CDH10: variants seen among roughly 807,000 people sequenced by gnomAD.
CDH10 encodes the protein cadherin 10.
CDH10 carries 30 observed loss-of-function variants against 73.1 expected under a neutral mutation model. The ratio of observed to expected loss-of-function variants is 0.41; its 90% CI spans 0.31 to 0.56. The LOEUF is 0.56. Ranked by LOEUF, CDH10 falls within the 20% of genes least tolerant of loss-of-function variation. CDH10 has a pLI of 0.27. For synonymous variants in CDH10, 345 were observed against 348.2 expected (o/e 0.99, Z 0.10); for missense variants, 815 against 973.7 (o/e 0.84, Z 2.17).
At chr5:24,506,027 T>C (rs1456137590) in intron 7 of CDH10, among the ~76,000 whole-genome samples, 3 of 151,538 alleles carry the variant, frequency 2.0e-5, no homozygotes, top group South Asian at 2.1e-4. Context: ...AGCAGGAGAA[T>C]TGCTTGAACC....
intron 8 of CDH10, among the ~76,000 whole-genome samples, chr5:24,499,728 T>C (rs1579722037): frequency 1.4e-5 from 1 of 73,682 alleles, no homozygotes; most frequent in Non-Finnish European, 4.0e-5. Context: ...TGTTTTGATA[T>C]GTAAATTAAT....
intron 2 of CDH10, among the ~76,000 whole-genome samples, chr5:24,552,842 G>A (rs1404102868): frequency 6.6e-6 from 1 of 151,880 alleles, no homozygotes; most frequent in African/African-American, 2.4e-5. Context: ...AATCTCCTGA[G>A]GATAAATGGG....
At chr5:24,614,692 C>T (rs1031810313) in intron 1 of CDH10, among the ~76,000 whole-genome samples, 81 of 152,186 alleles carry the variant, frequency 5.3e-4, no homozygotes, top group African/African-American at 1.8e-3. Flanking sequence ...CAATTATTAG[C>T]GTCCTCATGA....
At chr5:24,498,649 G>A (rs1742379557) in intron 8 of CDH10, 130 bp from the exon 9 acceptor site, 1 of 621,344 alleles carries the variant, frequency 1.6e-6, no homozygotes, top group African/African-American at 1.8e-5. Context: ...CTAATATAAT[G>A]AGCAAATGCA....
intron 5 of CDH10, among the ~76,000 whole-genome samples, chr5:24,533,727 AC>A (rs1743833453): frequency 1.3e-5 from 2 of 152,078 alleles, no homozygotes; most frequent in Admixed American, 1.3e-4. Flanking sequence ...AACAGCACAC[AC>A]CTTTAAACTT....
intron 2 of CDH10, among the ~76,000 whole-genome samples, chr5:24,547,119 G>C (rs1358141032): frequency 6.6e-6 from 1 of 152,146 alleles, no homozygotes; most frequent in African/African-American, 2.4e-5. Flanking sequence ...GATTACCAGA[G>C]GACGATTTAA....
At chr5:24,632,992 G>A (rs547652525) in intron 1 of CDH10, among the ~76,000 whole-genome samples, 6 of 151,828 alleles carry the variant, frequency 4.0e-5, no homozygotes, top group African/African-American at 1.4e-4. Context: ...TACCACTATA[G>A]ATATAGTTAT....
intron 1 of CDH10, among the ~76,000 whole-genome samples, chr5:24,635,729 G>C (rs1429658764): frequency 6.6e-6 from 1 of 151,886 alleles, no homozygotes; most frequent in African/African-American, 2.4e-5. Flanking sequence ...ACAATCATTA[G>C]AGAATGAATA....
rs1278140801 is a variant in CDH10, at chr5:24,528,976, G to A, written c.814+6136C>T. Among the ~76,000 whole-genome samples the A allele has an allele frequency of 5.9e-5, 9 of 151,798 alleles. No homozygotes were observed. In the East Asian group the frequency reaches 7.8e-4, roughly 13 times the overall value. On this transcript the variant is annotated intron_variant, in intron 5 of 11. Transcript: ENST00000264463. Reference sequence around the variant, plus strand: ...GATTTATGTTGGTGCAAAAGTAATCGCAGTTTTTGCTATTAATGGAAAAAT... The same window carrying A: ...GATTTATGTTGGTGCAAAAGTAATCACAGTTTTTGCTATTAATGGAAAAAT...
chr5:24,607,261 G>C (rs1486558583), intron 1 of CDH10, among the ~76,000 whole-genome samples: 2 of 152,174 alleles, frequency 1.3e-5, no homozygotes, highest in Non-Finnish European at 2.9e-5. Context: ...GTCCTAATTA[G>C]ATGACTGAAG....
intron 2 of CDH10, among the ~76,000 whole-genome samples, chr5:24,555,866 A>G (rs1380401600): frequency 3.8e-5 from 2 of 52,818 alleles, no homozygotes; most frequent in African/African-American, 7.0e-5. Flanking sequence ...ATTCTAATAC[A>G]AACAGCACAT....
chr5:24,586,843 C>CTTTTTTTTTTTTTTTTTTTTTTTCTTT (rs1001227038), intron 2 of CDH10, among the ~76,000 whole-genome samples: 1 of 102,784 alleles, frequency 9.7e-6, no homozygotes, highest in African/African-American at 4.2e-5. Flanking sequence ...AGCCCATATT[C>CTTTTTTTTTTTTTTTTTTTTTTTCTTT]TTTTTTTTTT....
At chr5:24,591,437 C>T (rs922358996) in intron 2 of CDH10, among the ~76,000 whole-genome samples, 1 of 151,934 alleles carries the variant, frequency 6.6e-6, no homozygotes, top group South Asian at 2.1e-4. Flanking sequence ...AACTGATGAA[C>T]ACATTCATAA....
chr5:24,567,369 G>T (rs76563519), intron 2 of CDH10, among the ~76,000 whole-genome samples: 2,192 of 151,346 alleles, frequency 0.014, 58 homozygotes, highest in African/African-American at 0.051. Context: ...AAAAGAAACT[G>T]TATGTGCACA....
chr5:24,640,571 G>C (rs1466316538), intron 1 of CDH10, among the ~76,000 whole-genome samples: 1 of 150,876 alleles, frequency 6.6e-6, no homozygotes, highest in Admixed American at 6.6e-5. Context: ...GAAATCATGT[G>C]ATTTCGTAAA....
intron 2 of CDH10, among the ~76,000 whole-genome samples, chr5:24,584,464 T>TG (rs1554023319): frequency 0.011 from 609 of 55,494 alleles, 4 homozygotes; most frequent in Non-Finnish European, 0.014. Flanking sequence ...TTTTTTTTTT[T>TG]TGTGTGTGTG....
At chr5:24,594,137 A>G (rs1408991792) in intron 1 of CDH10, among the ~76,000 whole-genome samples, 1 of 151,962 alleles carries the variant, frequency 6.6e-6, no homozygotes, top group African/African-American at 2.4e-5. Flanking sequence ...AAATGAGAAA[A>G]CTAGGAATGC....
At chr5:24,601,246 GA>G (rs1227779186) in intron 1 of CDH10, among the ~76,000 whole-genome samples, 2 of 152,192 alleles carry the variant, frequency 1.3e-5, no homozygotes, top group African/African-American at 4.8e-5. Context: ...TCCAGCTTTG[GA>G]AATCAAATTT....
At position 24,639,919 on chromosome 5, in the gene CDH10, GTGC is replaced by G. The variant is rs1377934260; in HGVS notation, c.-124+4672_-124+4674del. ...TTTGGAGGAGTCATTTCAATAATAAGTGCTGAATTCCCACACTTGGCTTGCTAG... is the reference window on the plus strand; with the variant it reads ...TTTGGAGGAGTCATTTCAATAATAAGTGAATTCCCACACTTGGCTTGCTAG... On this transcript the variant is annotated intron_variant, in intron 1 of 11. Coordinates refer to ENST00000264463, the MANE Select transcript of CDH10 (RefSeq NM_006727.5). Among the ~76,000 whole-genome samples, 18 of 151,826 alleles carry G rather than the reference GTGC, an allele frequency of 1.2e-4. 1 individual carries two copies. The highest frequency in any genetic ancestry group is 2.7e-4 in the Non-Finnish European group (18 of 67,748).
Sources: allele counts gnomAD v4.1 joint callset (sites outside exome capture counted in the v4.1 genomes callset), GRCh38; gene constraint gnomAD v4.1.1; transcripts MANE v1.5; gene names NCBI Gene and HGNC (gene_info 2026-07-23, HGNC 2026-07-21).